The following FCRL6 variants were observed in gnomAD, a reference collection of about 807,000 sequenced individuals.
FCRL6 encodes the protein Fc receptor-like protein 6.
A neutral mutation model predicts 49.1 loss-of-function variants in FCRL6; 50 were observed. That is an observed-to-expected ratio of 1.02 (90% confidence interval 0.81 to 1.29). The LOEUF is 1.29. Among genes scored for constraint, FCRL6 ranks in the 50% most tolerant of loss-of-function variants. The probability of loss-of-function intolerance (pLI) is 0.00; values close to 1 mark genes in which losing one functional copy is unlikely to be tolerated. For missense variants in FCRL6, 571 were observed against 518.5 expected, an observed-to-expected ratio of 1.10 and a Z score of -0.98; for synonymous variants, 213 against 199.6, an observed-to-expected ratio of 1.07 and a Z score of -0.57.
chr1:159,808,132 G>A (rs1379017211), intron 2 of FCRL6, 46 bp from the exon 3 acceptor site: 9 of 1,572,080 alleles, frequency 5.7e-6, no homozygotes, highest in African/African-American at 5.4e-5. Flanking sequence ...AGAAGTGACT[G>A]ATGGGACCTG....
Position 159,806,609 on chromosome 1 carries a change from GA to G in FCRL6, c.49del (p.Thr17LeufsTer19). On this transcript the variant is annotated frameshift_variant, in exon 2 of 10. Transcript: ENST00000368106. LOFTEE classifies it high-confidence loss of function. ...GTTCTCTTGCAGTTCCCTGTGTTGG[GA>G]AAACTGGTAAGTTGTGTCCATGTCT... ...AVLLFVPCVG[K>X]TVWLYLQAWP... The G allele has an allele frequency of 1.9e-6, 3 of 1,613,866 alleles. No individual in the cohort carries two copies. The highest frequency in any genetic ancestry group is 2.5e-6 in the Non-Finnish European group (3 of 1,179,700).
chr1:159,815,794 G>A lies in FCRL6; in HGVS notation c.*133G>A. On this transcript the variant is annotated 3_prime_UTR_variant, in exon 10 of 10. Transcript: ENST00000368106. ...GCATCACAGAGCCCCCTGAGCCCTT[G>A]TCCTGGTCAGGAGCACCTGAACCCT... 8.7e-7 allele frequency: 1 copy of A among 1,144,254 alleles called. No homozygotes were observed. Among genetic ancestry groups the A allele is most frequent in the Non-Finnish European group, 1.2e-6 (1 of 808,908 alleles). 70.9% of individuals were successfully genotyped at this position (1,144,254 alleles called of 1,614,324 possible).
Position 159,808,366 on chromosome 1 carries a change from T to C in FCRL6, c.241T>C (p.Tyr81His), listed in dbSNP as rs1488723825. 2.5e-6 allele frequency: 4 copies of C among 1,614,150 alleles called. No individual in the cohort carries two copies. The highest frequency in any genetic ancestry group is 2.5e-6 in the Non-Finnish European group (3 of 1,180,004). Residue 81 changes from tyrosine (Y) to histidine (H), a missense_variant, in exon 3 of 10, where the codon TAC becomes CAC. Physicochemically the swap from Tyr to His is moderately conservative, Grantham distance 83 (BLOSUM62 2). Coordinates refer to ENST00000368106, the MANE Select transcript of FCRL6 (RefSeq NM_001004310.3). Reference protein sequence around the residue: ...GAATVQSRGQYSCSGQVMYIP... With the variant: ...GAATVQSRGQHSCSGQVMYIP... ...AGCAACAGTGCAGAGCCGTGGCCAG[T>C]ACAGCTGCTCTGGGCAGGTGATGTA...
rs754839848 is a variant in FCRL6, at chr1:159,813,490, G to A, written c.1011G>A (p.Gly337=). ...LVYVRSWRKA[G]PLPSQIPPTA... ...GAATCATGCCCTTGTATCTCCTAGG[G>A]CCCCTTCCATCCCAGATACCACCCA... The change falls in exon 7 of 10, where the codon GGG becomes GGA. Residue 337 remains glycine, a splice_region_variant and synonymous_variant. Coordinates refer to ENST00000368106, the MANE Select transcript of FCRL6 (RefSeq NM_001004310.3). The A allele has an allele frequency of 1.9e-6, 3 of 1,613,816 alleles. No homozygotes were observed. The highest frequency in any genetic ancestry group is 1.1e-5 in the South Asian group (1 of 91,070).
chr1:159,800,581 T>C (rs1459347856), upstream of FCRL6: 2 of 1,550,028 alleles, frequency 1.3e-6, no homozygotes. Context: ...AAGAGAACGA[T>C]AGAGGAAAAT....
At position 159,808,372 on chromosome 1, in the gene FCRL6, T is replaced by G; in HGVS notation, c.247T>G (p.Cys83Gly). 1.9e-6 allele frequency: 3 copies of G among 1,614,202 alleles called. No homozygotes were observed. The highest frequency in any genetic ancestry group is 2.5e-6 in the Non-Finnish European group (3 of 1,180,020). The change falls in exon 3 of 10, where the codon TGC becomes GGC. Residue 83 changes from cysteine (C) to glycine (G), a missense_variant. Physicochemically the swap from Cys to Gly is radical, Grantham distance 159. Coordinates refer to ENST00000368106, the MANE Select transcript of FCRL6 (RefSeq NM_001004310.3). Reference protein sequence around the residue: ...ATVQSRGQYSCSGQVMYIPQT... With the variant: ...ATVQSRGQYSGSGQVMYIPQT... ...AGTGCAGAGCCGTGGCCAGTACAGC[T>G]GCTCTGGGCAGGTGATGTATATTCC...
intron 7 of FCRL6, among the ~76,000 whole-genome samples, chr1:159,813,810 G>A (rs1284320203): frequency 6.6e-6 from 1 of 152,188 alleles, no homozygotes; most frequent in Non-Finnish European, 1.5e-5. Context: ...CAAACTTGTG[G>A]CCCATGGGCC....
chr1:159,810,464 C>A (rs547108414), intron 6 of FCRL6, among the ~76,000 whole-genome samples: 2 of 152,242 alleles, frequency 1.3e-5, no homozygotes, highest in South Asian at 4.1e-4. Context: ...AACACACAAC[C>A]GCACACTCAG....
At chr1:159,805,925 G>C (rs1662646785) in intron 1 of FCRL6, among the ~76,000 whole-genome samples, 2 of 152,338 alleles carry the variant, frequency 1.3e-5, no homozygotes, top group South Asian at 4.1e-4. Context: ...ATTCGTACAA[G>C]AGTCTAGTCC....
chr1:159,810,574 CAA>C (rs59039619), intron 6 of FCRL6, among the ~76,000 whole-genome samples: 1 of 141,082 alleles, frequency 7.1e-6, no homozygotes. Flanking sequence ...GGAATATGAG[CAA>C]AAAAAAAAAG....
chr1:159,807,648 G>T (rs6682005), intron 2 of FCRL6, among the ~76,000 whole-genome samples: 6,720 of 152,228 alleles, frequency 0.044, 486 homozygotes, highest in African/African-American at 0.15. Context: ...CTCAGGCTGT[G>T]GCACCTCCAA....
chr1:159,809,758 C>G lies in FCRL6; in HGVS notation c.886+75C>G, dbSNP rs917828505. On this transcript the variant is annotated intron_variant, in intron 5 of 9. Transcript: ENST00000368106. ...GTCAGATCTCACCCTCTGTGTACCT[C>G]CCATCACGACTGGCACAGTGCTGGA... 5.4e-6 allele frequency: 7 copies of G among 1,306,448 alleles called. No homozygotes were observed. In the South Asian group the frequency reaches 9.0e-5, roughly 17 times the overall value. 80.9% of individuals were successfully genotyped at this position (1,306,448 alleles called of 1,614,324 possible).
intron 1 of FCRL6, among the ~76,000 whole-genome samples, chr1:159,804,935 G>A (rs1391396659): frequency 6.6e-6 from 1 of 152,076 alleles, no homozygotes; most frequent in Admixed American, 6.6e-5. Context: ...CCAGGCAGTG[G>A]GTCAACATAA....
upstream of FCRL6, among the ~76,000 whole-genome samples, chr1:159,801,212 G>A (rs1476333726): frequency 1.3e-5 from 2 of 152,176 alleles, no homozygotes; most frequent in African/African-American, 4.8e-5. Context: ...GCTGCTATGA[G>A]CACTCTTGTA....
chr1:159,809,214 G>A lies in FCRL6; in HGVS notation c.573G>A (p.Lys191=). Residue 191 remains lysine (K), a synonymous_variant, in exon 4 of 10, where the codon AAG becomes AAA. Coordinates refer to ENST00000368106, the MANE Select transcript of FCRL6 (RefSeq NM_001004310.3). ...CCCCTGAGGGTGGCCAGGTCCAGAAGCAGAGCCCCCAGCTGGAGGTCAGAG... is the reference window on the plus strand; with the variant it reads ...CCCCTGAGGGTGGCCAGGTCCAGAAACAGAGCCCCCAGCTGGAGGTCAGAG... The part of the protein sequence containing the change: ...EVAPEGGQVQ[K]QSPQLEVRVQ... 2 of 1,582,918 alleles carry A rather than the reference G, an allele frequency of 1.3e-6. No individual in the cohort carries two copies. Among genetic ancestry groups the A allele is most frequent in the Non-Finnish European group, 1.7e-6 (2 of 1,166,168 alleles).
chr1:159,808,111 G>A (rs1338911347), intron 2 of FCRL6, 67 bp from the exon 3 acceptor site: 6 of 1,547,412 alleles, frequency 3.9e-6, no homozygotes, highest in African/African-American at 1.4e-5. Flanking sequence ...TAGGCTGGGG[G>A]ACAGAGGGAG....
Position 159,810,935 on chromosome 1 carries a change from G to A in FCRL6, c.1009+719G>A, listed in dbSNP as rs1663054858. On this transcript the variant is annotated intron_variant, in intron 6 of 9. Coordinates refer to ENST00000368106, the MANE Select transcript of FCRL6 (RefSeq NM_001004310.3). ...TGTATTAGACTGGCACATAGTGGGT[G>A]CTCAGTAAATTCTCATTCTAATCTG... is the stretch of plus-strand genomic sequence containing the variant. Among the ~76,000 whole-genome samples, 3 of 152,280 alleles carry A rather than the reference G, an allele frequency of 2.0e-5. 1 individual carries two copies. In the South Asian group the frequency reaches 6.2e-4, roughly 32 times the overall value.
intron 1 of FCRL6, among the ~76,000 whole-genome samples, chr1:159,802,734 C>T (rs552080878): frequency 1.3e-5 from 2 of 152,304 alleles, no homozygotes; most frequent in East Asian, 3.9e-4. Context: ...ACAAAGTCCC[C>T]TAACTTCCCA....
intron 5 of FCRL6, 83 bp downstream of exon 5, chr1:159,809,766 G>A (rs777760900): frequency 8.3e-5 from 102 of 1,230,218 alleles, no homozygotes; most frequent in Non-Finnish European, 1.1e-4. Context: ...CTCCCATCAC[G>A]ACTGGCACAG....
Sources: allele counts gnomAD v4.1 joint callset (sites outside exome capture counted in the v4.1 genomes callset), GRCh38; gene constraint gnomAD v4.1.1; transcripts MANE v1.5; gene names NCBI Gene and HGNC (gene_info 2026-07-23, HGNC 2026-07-21).